FGF12: variants seen among roughly 807,000 people sequenced by gnomAD.
FGF12 encodes the protein fibroblast growth factor 12.
A neutral mutation model predicts 23.6 loss-of-function variants in FGF12; 14 were observed. That is an observed-to-expected ratio of 0.59 (90% CI 0.39 to 0.93). The LOEUF (loss-of-function observed/expected upper bound fraction) is 0.93. FGF12 is among the 40% of genes least tolerant of loss of function. The pLI is 0.00. For missense variants in FGF12, 175 were observed against 217.8 expected (o/e 0.80, Z 1.24); for synonymous variants, 62 against 77.3 (o/e 0.80, Z 1.04).
In FGF12 at chr3:192,408,307, G is replaced by C. The variant is rs376382808; in HGVS notation, c.14-47769C>G. 7 of 1,456,330 alleles carry C rather than the reference G, an allele frequency of 4.8e-6. No individual in the cohort carries two copies. The East Asian group carries it at 1.5e-4, about 31-fold the overall frequency. 90.2% of individuals were successfully genotyped at this position (1,456,330 alleles called of 1,614,324 possible). A position where few individuals can be genotyped will look rare whatever the true frequency, so the allele number is the denominator to read the frequency against. On this transcript the variant is annotated intron_variant, in intron 2 of 5. Transcript: ENST00000445105. This position sits in a 1 kb window ranked among gnomAD's most constrained non-coding sequence, Gnocchi z 7.3. ...GCCGGGGCGAGGGCAGGACCTGGGC[G>C]GCCAGGGAAAGGGCAGTCGCGGGGA... is the stretch of plus-strand genomic sequence containing the variant.
rs562225843 is a variant in FGF12, at chr3:192,305,703, T to C, written c.228+29658A>G. On this transcript the variant is annotated intron_variant, in intron 4 of 5. Transcript: ENST00000445105. ...AAATATATATATATATATAAATATA[T>C]ATAAATCCTATGAAAAACTGTGTGA... Among the ~76,000 whole-genome samples, 139 of 146,604 alleles carry C rather than the reference T, an allele frequency of 9.5e-4. 4 individuals are homozygous for C. In the Middle Eastern group the frequency reaches 0.025, roughly 27 times the overall value.
At chr3:192,672,814 C>A (rs1451875025) in intron 2 of FGF12, among the ~76,000 whole-genome samples, 1 of 150,958 alleles carries the variant, frequency 6.6e-6, no homozygotes. Flanking sequence ...TGGCCTTGAT[C>A]CACTGAGTTT....
At chr3:192,160,404 G>A (rs1016265596) in intron 5 of FGF12, among the ~76,000 whole-genome samples, 1 of 152,086 alleles carries the variant, frequency 6.6e-6, no homozygotes, top group Non-Finnish European at 1.5e-5. Flanking sequence ...GTCTATAAAA[G>A]CCTTTGGAAT....
intron 2 of FGF12, among the ~76,000 whole-genome samples, chr3:192,383,732 T>C (rs1719926089): frequency 6.6e-6 from 1 of 152,012 alleles, no homozygotes; most frequent in Non-Finnish European, 1.5e-5. Flanking sequence ...TGTTTAAACA[T>C]GATAACCACA....
At chr3:192,610,735 A>G (rs961517764) in intron 2 of FGF12, among the ~76,000 whole-genome samples, 6 of 151,914 alleles carry the variant, frequency 3.9e-5, no homozygotes, top group African/African-American at 1.2e-4. Context: ...TGGCTTCCCC[A>G]TTTCTTCTTT....
At chr3:192,565,134 C>CATG (rs1712217181) in intron 2 of FGF12, among the ~76,000 whole-genome samples, 1 of 152,176 alleles carries the variant, frequency 6.6e-6, no homozygotes, top group African/African-American at 2.4e-5. Flanking sequence ...ATAGACAAAT[C>CATG]ATGAGATGAC....
At chr3:192,424,042 CTTTAAA>C (rs1721617712) in intron 2 of FGF12, among the ~76,000 whole-genome samples, 1 of 151,522 alleles carries the variant, frequency 6.6e-6, no homozygotes, top group South Asian at 2.1e-4. Context: ...ACCCCGCCCT[CTTTAAA>C]TTTGTTTCAC....
At chr3:192,575,162 A>G (rs1712820186) in intron 2 of FGF12, among the ~76,000 whole-genome samples, 1 of 152,236 alleles carries the variant, frequency 6.6e-6, no homozygotes, top group Non-Finnish European at 1.5e-5. Flanking sequence ...ATGATGGAAA[A>G]CAAGTAGTGA....
chr3:192,190,104 A>T (rs1204564513), intron 4 of FGF12, among the ~76,000 whole-genome samples: 1 of 152,220 alleles, frequency 6.6e-6, no homozygotes, highest in Non-Finnish European at 1.5e-5. Context: ...AAGTTATAAG[A>T]AATATAAAAA....
chr3:192,707,895 G>C (rs1718527759), intron 2 of FGF12, among the ~76,000 whole-genome samples: 1 of 151,988 alleles, frequency 6.6e-6, no homozygotes, highest in African/African-American at 2.4e-5. Context: ...GAGGATTGAT[G>C]ATTCTCTTCC....
intron 4 of FGF12, among the ~76,000 whole-genome samples, chr3:192,311,110 G>A (rs775430993): frequency 1.3e-5 from 2 of 151,890 alleles, no homozygotes; most frequent in Non-Finnish European, 2.9e-5. Flanking sequence ...GCTTTTGTTT[G>A]GACAAATTAT....
At chr3:192,317,051 T>C (rs1037008601) in intron 4 of FGF12, among the ~76,000 whole-genome samples, 1 of 152,044 alleles carries the variant, frequency 6.6e-6, no homozygotes, top group Non-Finnish European at 1.5e-5. Context: ...CATCACCAGC[T>C]AACTAAAGAG....
intron 2 of FGF12, among the ~76,000 whole-genome samples, chr3:192,466,889 C>A (rs1416662730): frequency 6.6e-6 from 1 of 152,092 alleles, no homozygotes; most frequent in Non-Finnish European, 1.5e-5. Flanking sequence ...GACATTTATA[C>A]CAGCAAAGAA....
intron 2 of FGF12, among the ~76,000 whole-genome samples, chr3:192,589,817 AGGTCACACG>A (rs1713547752): frequency 6.6e-6 from 1 of 151,942 alleles, no homozygotes; most frequent in Non-Finnish European, 1.5e-5. Context: ...CACTTTCTTA[AGGTCACACG>A]GTAGGAGGAC....
intron 2 of FGF12, among the ~76,000 whole-genome samples, chr3:192,711,303 C>A (rs1330830539): frequency 7.6e-6 from 1 of 130,814 alleles, no homozygotes; most frequent in Non-Finnish European, 1.5e-5. Context: ...CAGCCCCCAC[C>A]CAGCCAGCCG....
intron 2 of FGF12, among the ~76,000 whole-genome samples, chr3:192,453,509 C>G (rs1434807683): frequency 1.3e-5 from 2 of 152,116 alleles, no homozygotes; most frequent in Non-Finnish European, 2.9e-5. Flanking sequence ...CTGATTCTAT[C>G]TAATATCTTT....
rs1328734426 is a variant in FGF12 at position 192,408,408 on chromosome 3, G to C, written c.14-47870C>G. 1 of 1,403,840 alleles carries C rather than the reference G, an allele frequency of 7.1e-7. No individual in the cohort carries two copies. Among genetic ancestry groups the C allele is most frequent in the Non-Finnish European group, 9.2e-7 (1 of 1,084,856 alleles). The allele number at this position is 1,403,840 out of a possible 1,614,324, so 87.0% of individuals were successfully genotyped here. A position where few individuals can be genotyped will look rare whatever the true frequency, so the allele number is the denominator to read the frequency against. On this transcript the variant is annotated intron_variant, in intron 2 of 5. Transcript: ENST00000445105. The surrounding 1 kb of genome is among the most constrained non-coding windows in gnomAD (Gnocchi z 7.3). ...AAGGTTAGTCAAAGTCTGGGCAGTGGCGACAAAATGTGTGAAAATCCAGAT... is the reference window on the plus strand; with the variant it reads ...AAGGTTAGTCAAAGTCTGGGCAGTGCCGACAAAATGTGTGAAAATCCAGAT...
At chr3:192,204,799 T>C (rs1056675950) in intron 4 of FGF12, among the ~76,000 whole-genome samples, 1 of 151,984 alleles carries the variant, frequency 6.6e-6, no homozygotes, top group Non-Finnish European at 1.5e-5. Flanking sequence ...GGCAGGAGAA[T>C]TTCCTGAACC....
At chr3:192,665,714 T>C (rs1577108554) in intron 2 of FGF12, among the ~76,000 whole-genome samples, 1 of 152,046 alleles carries the variant, frequency 6.6e-6, no homozygotes, top group Non-Finnish European at 1.5e-5. Flanking sequence ...ATGGCACATG[T>C]ATACAAACCA....
Sources: allele counts gnomAD v4.1 joint callset (sites outside exome capture counted in the v4.1 genomes callset), GRCh38; gene constraint gnomAD v4.1.1; non-coding constraint Gnocchi (gnomAD v3.1); transcripts MANE v1.5; gene names NCBI Gene and HGNC (gene_info 2026-07-23, HGNC 2026-07-21).